The following ENOX1 variants were observed in gnomAD, a reference collection of about 807,000 sequenced individuals.
ENOX1 encodes the protein candidate growth-related and time keeping constitutive hydroquinone (NADH) oxidase.
A neutral mutation model predicts 82.5 loss-of-function variants in ENOX1; 42 were observed. The ratio of observed to expected loss-of-function variants is 0.51; its 90% CI spans 0.40 to 0.66. The LOEUF is 0.66. Ranked by LOEUF, ENOX1 falls within the 30% of genes least tolerant of loss-of-function variation. The probability of loss-of-function intolerance (pLI) is 0.00; values close to 1 mark genes in which losing one functional copy is unlikely to be tolerated. For missense variants in ENOX1, 608 were observed against 811.6 expected (o/e 0.75, Z 3.05); for synonymous variants, 271 against 282.2 (o/e 0.96, Z 0.40).
At chr13:43,269,694 T>C in intron 12 of ENOX1, 117 bp from the exon 13 acceptor site, 1 of 784,398 alleles carries the variant, frequency 1.3e-6, no homozygotes, top group Non-Finnish European at 2.2e-6. Flanking sequence ...TGAAGCTTAA[T>C]TCAGACCTCA....
chr13:43,555,308 C>A (rs2079386138), intron 2 of ENOX1, among the ~76,000 whole-genome samples: 1 of 152,172 alleles, frequency 6.6e-6, no homozygotes, highest in Non-Finnish European at 1.5e-5. Flanking sequence ...TGTTCTCAAC[C>A]CTTGCTTTTT....
chr13:43,475,624 A>C (rs559840974), intron 3 of ENOX1, among the ~76,000 whole-genome samples: 145 of 152,254 alleles, frequency 9.5e-4, no homozygotes, highest in Non-Finnish European at 1.9e-3. Context: ...ACAGCCTAAT[A>C]ATTTCCAGAT....
At chr13:43,694,160 A>C (rs1464691513) in intron 1 of ENOX1, among the ~76,000 whole-genome samples, 1 of 152,118 alleles carries the variant, frequency 6.6e-6, no homozygotes, top group Non-Finnish European at 1.5e-5. Context: ...AAGCCTGCTC[A>C]ATGGAGCAAG....
chr13:43,784,803 T>G (rs1952474602), intron 1 of ENOX1, among the ~76,000 whole-genome samples: 1 of 152,218 alleles, frequency 6.6e-6, no homozygotes, highest in Admixed American at 6.5e-5. Flanking sequence ...TGTTTCACAT[T>G]GACAAGGCTT....
intron 1 of ENOX1, among the ~76,000 whole-genome samples, chr13:43,761,615 T>C (rs1397225058): frequency 6.6e-6 from 1 of 152,234 alleles, no homozygotes; most frequent in Non-Finnish European, 1.5e-5. Context: ...TTCATTTTGT[T>C]GGGAGAGCCT....
chr13:43,293,880 G>A (rs1043309028), intron 12 of ENOX1, among the ~76,000 whole-genome samples: 28 of 152,272 alleles, frequency 1.8e-4, no homozygotes, highest in African/African-American at 6.3e-4. Context: ...CATAAAATTA[G>A]TCTAAGTGGG....
chr13:43,447,735 G>T (rs916408354), intron 3 of ENOX1, among the ~76,000 whole-genome samples: 2 of 152,154 alleles, frequency 1.3e-5, no homozygotes, highest in African/African-American at 4.8e-5. Flanking sequence ...ACAGCTGATG[G>T]ATTGGTGTAA....
chr13:43,723,101 C>T (rs9525827), intron 1 of ENOX1, among the ~76,000 whole-genome samples: 4,956 of 152,326 alleles, frequency 0.033, 113 homozygotes, highest in Non-Finnish European at 0.049. Flanking sequence ...TCTCTCTCTA[C>T]ACAAAGGATT....
chr13:43,464,073 T>C (rs1241047433), intron 3 of ENOX1, among the ~76,000 whole-genome samples: 1 of 152,106 alleles, frequency 6.6e-6, no homozygotes, highest in Non-Finnish European at 1.5e-5. Flanking sequence ...CAGAAAGGTG[T>C]CCCTTTCCCT....
At chr13:43,406,555 C>T (rs1047758237) in intron 5 of ENOX1, among the ~76,000 whole-genome samples, 17 of 150,772 alleles carry the variant, frequency 1.1e-4, no homozygotes, top group African/African-American at 4.2e-4. Flanking sequence ...TGCAGTGGCG[C>T]CATCTCGGCT....
chr13:43,664,975 C>T (rs958642632), intron 2 of ENOX1, among the ~76,000 whole-genome samples: 1 of 152,212 alleles, frequency 6.6e-6, no homozygotes, highest in Non-Finnish European at 1.5e-5. Flanking sequence ...TGCAGCCCCA[C>T]CCCCAGGAAC....
intron 2 of ENOX1, among the ~76,000 whole-genome samples, chr13:43,662,244 C>T (rs569020998): frequency 1.2e-4 from 19 of 152,210 alleles, no homozygotes; most frequent in East Asian, 1.9e-4. Flanking sequence ...AATAGGATTA[C>T]GGTCTTTTGA....
chr13:43,665,646 T>G (rs894342140), intron 2 of ENOX1, among the ~76,000 whole-genome samples: 1 of 151,986 alleles, frequency 6.6e-6, no homozygotes, highest in South Asian at 2.1e-4. Context: ...CAGTTCAACC[T>G]GCGATGCCAA....
At chr13:43,658,399 T>G (rs2084550199) in intron 2 of ENOX1, among the ~76,000 whole-genome samples, 1 of 152,214 alleles carries the variant, frequency 6.6e-6, no homozygotes, top group African/African-American at 2.4e-5. Context: ...GGTTAGGTTT[T>G]TTATCACACA....
At chr13:43,680,181 T>A (rs9533583) in intron 1 of ENOX1, among the ~76,000 whole-genome samples, 13,387 of 152,276 alleles carry the variant, frequency 0.088, 930 homozygotes, top group African/African-American at 0.19. Context: ...TATACAGAAA[T>A]GAAATCCAAC....
At chr13:43,599,085 A>C (rs563621658) in intron 2 of ENOX1, among the ~76,000 whole-genome samples, 98 of 152,238 alleles carry the variant, frequency 6.4e-4, no homozygotes, top group African/African-American at 2.3e-3. Context: ...TTAAGATAAC[A>C]ATCAAAGTAT....
chr13:43,778,087 C>T (rs2153837938), intron 1 of ENOX1, among the ~76,000 whole-genome samples: 1 of 152,288 alleles, frequency 6.6e-6, no homozygotes, highest in African/African-American at 2.4e-5. Context: ...CTCAAAACTA[C>T]TTTTGCAAAA....
In ENOX1 at chr13:43,334,540, G is replaced by A. The variant is rs973468823; in HGVS notation, c.1037-8015C>T. 5.0e-4 allele frequency among the ~76,000 whole-genome samples: 76 copies of A among 152,182 alleles called. 1 individual carries two copies. The highest frequency in any genetic ancestry group is 4.6e-4 in the Admixed American group (7 of 15,278). On this transcript the variant is annotated intron_variant, in intron 9 of 16. Transcript: ENST00000690772. ...GAGAATTGCTTAAGAGAGCTGCAGA[G>A]GGTGCCAAGGGAGGCCAAGAAAGGC...
At chr13:43,413,083 A>G (rs1370732087) in intron 3 of ENOX1, 95 bp from the exon 4 acceptor site, 1 of 1,252,726 alleles carries the variant, frequency 8.0e-7, no homozygotes, top group African/African-American at 1.6e-5. Context: ...AATCAAAAAC[A>G]AAGACCGATT....
Sources: allele counts gnomAD v4.1 joint callset (sites outside exome capture counted in the v4.1 genomes callset), GRCh38; gene constraint gnomAD v4.1.1; transcripts MANE v1.5; gene names NCBI Gene and HGNC (gene_info 2026-07-23, HGNC 2026-07-21).